Variants in CCDC102B observed in about 807,000 individuals in gnomAD.
CCDC102B encodes coiled-coil domain containing 102B, also known as coiled-coil domain-containing protein 102B.
A neutral mutation model predicts 57.4 loss-of-function variants in CCDC102B; 75 were observed. That is an observed-to-expected ratio of 1.31 (90% CI 1.08 to 1.58). CCDC102B has a LOEUF of 1.58. Ranked by LOEUF, CCDC102B falls within the 40% of genes most tolerant of loss-of-function variation. The probability of loss-of-function intolerance (pLI) is 0.00; values close to 1 mark genes in which losing one functional copy is unlikely to be tolerated. For synonymous variants in CCDC102B, 206 were observed against 201.9 expected (o/e 1.02, Z -0.17); for missense variants, 636 against 582.6 (o/e 1.09, Z -0.94).
At chr18:69,011,917 T>A (rs9961753) in intron 7 of CCDC102B, among the ~76,000 whole-genome samples, 19,188 of 152,094 alleles carry the variant, frequency 0.13, 2,622 homozygotes, top group African/African-American at 0.33. Context: ...ATAATCAAAC[T>A]TACTCCACAT....
At chr18:68,949,990 A>G (rs976296616) in intron 6 of CCDC102B, among the ~76,000 whole-genome samples, 3 of 152,128 alleles carry the variant, frequency 2.0e-5, no homozygotes, top group Non-Finnish European at 2.9e-5. Flanking sequence ...TACTGTCTAT[A>G]ATTCCTAAAA....
chr18:68,836,053 C>T (rs2144783369), intron 1 of CCDC102B, among the ~76,000 whole-genome samples: 1 of 152,198 alleles, frequency 6.6e-6, no homozygotes, highest in South Asian at 2.1e-4. Context: ...TCTGCCTGAA[C>T]AAATTGAGGC....
intron 6 of CCDC102B, among the ~76,000 whole-genome samples, chr18:68,957,228 A>C (rs2049924238): frequency 6.6e-6 from 1 of 151,908 alleles, no homozygotes; most frequent in African/African-American, 2.4e-5. Flanking sequence ...GAGTTTCCCT[A>C]GAGTTTTCTT....
intron 1 of CCDC102B, among the ~76,000 whole-genome samples, chr18:68,802,426 G>A (rs943672972): frequency 1.3e-5 from 2 of 152,160 alleles, no homozygotes; most frequent in Admixed American, 1.3e-4. Flanking sequence ...AGGTGTTAAT[G>A]CTATATGAAT....
intron 2 of CCDC102B, among the ~76,000 whole-genome samples, chr18:68,758,826 T>G (rs1348593489): frequency 3.3e-5 from 5 of 151,684 alleles, no homozygotes; most frequent in Admixed American, 2.0e-4. Context: ...TGGTGTTTCC[T>G]TATATGCCAA....
At chr18:68,997,516 G>A (rs2051063066) in intron 6 of CCDC102B, among the ~76,000 whole-genome samples, 1 of 152,118 alleles carries the variant, frequency 6.6e-6, no homozygotes, top group African/African-American at 2.4e-5. Flanking sequence ...CCTTTGTGGA[G>A]TTATAAAATA....
chr18:68,751,362 T>G lies in CCDC102B; in HGVS notation c.-67+34768T>G, dbSNP rs553363877. Among the ~76,000 whole-genome samples, 19 of 152,328 alleles carry G rather than the reference T, an allele frequency of 1.2e-4. No individual in the cohort carries two copies. The East Asian group carries it at 3.5e-3, about 28-fold the overall frequency. ...GGCCAGCAGCACCATAACTCATGCCTGAATGAAGCTTATTTAACACACGGA... is the reference window on the plus strand; with the variant it reads ...GGCCAGCAGCACCATAACTCATGCCGGAATGAAGCTTATTTAACACACGGA... On this transcript the variant is annotated intron_variant, in intron 2 of 3. Transcript: ENST00000578970.
chr18:69,010,660 G>C (rs2051489817), intron 6 of CCDC102B, among the ~76,000 whole-genome samples: 1 of 152,110 alleles, frequency 6.6e-6, no homozygotes, highest in African/African-American at 2.4e-5. Context: ...CCTTTTGGGG[G>C]AAGGTTACAT....
chr18:68,957,557 G>GTTTTTTTTTTTTTTTTTTTTTTTTATTT, intron 6 of CCDC102B, among the ~76,000 whole-genome samples: 1 of 131,732 alleles, frequency 7.6e-6, no homozygotes, highest in Non-Finnish European at 1.6e-5. Flanking sequence ...GATTCTTCCA[G>GTTTTTTTTTTTTTTTTTTTTTTTTATTT]TTTTTTTTTT....
intron 6 of CCDC102B, among the ~76,000 whole-genome samples, chr18:68,907,040 T>A (rs2040676015): frequency 1.3e-5 from 2 of 152,180 alleles, no homozygotes; most frequent in African/African-American, 4.8e-5. Context: ...CAGTTGTGAC[T>A]GCAACATTTT....
chr18:68,940,454 A>G (rs1037773090), intron 6 of CCDC102B, among the ~76,000 whole-genome samples: 5 of 151,956 alleles, frequency 3.3e-5, no homozygotes, highest in African/African-American at 9.6e-5. Flanking sequence ...ATCACATTAC[A>G]TATAGGGAAG....
At chr18:68,736,231 A>T (rs1342358615) in intron 2 of CCDC102B, among the ~76,000 whole-genome samples, 1 of 152,198 alleles carries the variant, frequency 6.6e-6, no homozygotes, top group East Asian at 1.9e-4. Flanking sequence ...TACCCAGTGG[A>T]TGTCACTTTT....
intron 4 of CCDC102B, among the ~76,000 whole-genome samples, chr18:68,870,767 A>G (rs975257956): frequency 2.0e-5 from 3 of 152,192 alleles, no homozygotes; most frequent in Non-Finnish European, 4.4e-5. Flanking sequence ...CATTGACTTC[A>G]ATATTTGGTG....
At chr18:68,938,000 T>C (rs1448905154) in intron 6 of CCDC102B, among the ~76,000 whole-genome samples, 1 of 152,074 alleles carries the variant, frequency 6.6e-6, no homozygotes, top group Admixed American at 6.6e-5. Context: ...CTTTATCCAG[T>C]CTATCAATGG....
Position 68,976,828 on chromosome 18 carries a change from G to GC in CCDC102B, c.1264-34106_1264-34105insC, listed in dbSNP as rs548033795. 4.6e-5 allele frequency among the ~76,000 whole-genome samples: 7 copies of GC among 151,450 alleles called. No individual in the cohort carries two copies. In the East Asian group the frequency reaches 1.4e-3, roughly 29 times the overall value. On this transcript the variant is annotated intron_variant, in intron 6 of 7. Transcript: ENST00000360242. ...TTGGCCTTTTTTTTACACTTATATT[G>GC]GCAGGAGACTTTCCACATTATTGTC...
At chr18:68,816,798 C>A (rs1353087400) in intron 1 of CCDC102B, among the ~76,000 whole-genome samples, 2 of 152,130 alleles carry the variant, frequency 1.3e-5, no homozygotes, top group African/African-American at 2.4e-5. Context: ...AAAAGTCTTG[C>A]AGAAAATTTC....
intron 7 of CCDC102B, among the ~76,000 whole-genome samples, chr18:69,052,064 A>G (rs1375960193): frequency 6.8e-6 from 1 of 147,598 alleles, no homozygotes; most frequent in Non-Finnish European, 1.5e-5. Context: ...TGAAAAAAAA[A>G]TGATAAACCT....
intron 3 of CCDC102B, among the ~76,000 whole-genome samples, chr18:68,840,427 C>G (rs2037578222): frequency 6.6e-6 from 1 of 152,082 alleles, no homozygotes; most frequent in African/African-American, 2.4e-5. Flanking sequence ...CACCAATTCC[C>G]TTTTTCAGAT....
chr18:69,021,404 A>G (rs1045289822), intron 7 of CCDC102B, among the ~76,000 whole-genome samples: 1 of 152,190 alleles, frequency 6.6e-6, no homozygotes, highest in Non-Finnish European at 1.5e-5. Flanking sequence ...TCACATGGGG[A>G]CACAGACAGT....
Sources: gnomAD v4.1 joint callset for allele counts (sites outside exome capture counted in the v4.1 genomes callset) on GRCh38, gnomAD v4.1.1 for gene constraint, MANE v1.5 for transcripts, NCBI Gene and HGNC (gene_info 2026-07-23, HGNC 2026-07-21) for gene names.